Variants in PSMA1 observed in about 807,000 individuals in gnomAD.
The protein encoded by PSMA1 is proteasome 20S subunit alpha 1, also known as proteasome subunit alpha type-1.
A neutral mutation model predicts 38.4 loss-of-function variants in PSMA1; 3 were observed. The ratio of observed to expected loss-of-function variants is 0.08; its 90% CI spans 0.04 to 0.20. PSMA1 has a LOEUF of 0.20. Among genes scored for constraint, PSMA1 ranks in the 10% least tolerant of loss-of-function variants. PSMA1 has a pLI of 1.00. For synonymous variants in PSMA1, 101 were observed against 107.1 expected, an observed-to-expected ratio of 0.94 and a Z score of 0.35; for missense variants, 227 against 325.3, an observed-to-expected ratio of 0.70 and a Z score of 2.32.
chr11:14,511,130 G>C (rs1192218664), intron 7 of PSMA1, 179 bp from the exon 8 acceptor site: 10 of 398,940 alleles, frequency 2.5e-5, no homozygotes, highest in Non-Finnish European at 4.1e-5. Flanking sequence ...TGACATTGCT[G>C]ATTCTTATTT....
At chr11:14,508,216 A>G (rs974497600) in intron 8 of PSMA1, among the ~76,000 whole-genome samples, 1 of 152,196 alleles carries the variant, frequency 6.6e-6, no homozygotes, top group Non-Finnish European at 1.5e-5. Flanking sequence ...AGACACTTCT[A>G]ACATTCTCCA....
chr11:14,634,107 C>G (rs1853079411), intron 1 of PSMA1, among the ~76,000 whole-genome samples: 1 of 152,212 alleles, frequency 6.6e-6, no homozygotes, highest in South Asian at 2.1e-4. Context: ...TTCTGCGTCG[C>G]TCACACTGAG....
intron 2 of PSMA1, among the ~76,000 whole-genome samples, chr11:14,537,929 G>A (rs996830423): frequency 5.9e-5 from 9 of 151,908 alleles, no homozygotes; most frequent in African/African-American, 1.2e-4. Context: ...GGCTGGTCTC[G>A]AACTCCTGGC....
upstream of PSMA1, among the ~76,000 whole-genome samples, chr11:14,521,331 T>A (rs890818912): frequency 2.7e-4 from 36 of 132,196 alleles, no homozygotes; most frequent in Middle Eastern, 3.7e-3. Flanking sequence ...AGAATAAGAA[T>A]AATAAAAAAA....
chr11:14,560,761 T>C (rs1221882128), intron 2 of PSMA1, among the ~76,000 whole-genome samples: 3 of 152,196 alleles, frequency 2.0e-5, no homozygotes, highest in Non-Finnish European at 4.4e-5. Flanking sequence ...CTGGAAGATA[T>C]CACTCTATCT....
At chr11:14,606,894 A>C (rs1852650293) in intron 2 of PSMA1, among the ~76,000 whole-genome samples, 1 of 152,244 alleles carries the variant, frequency 6.6e-6, no homozygotes, top group Non-Finnish European at 1.5e-5. Flanking sequence ...GATGTGGCTT[A>C]GATGTGTGGG....
intron 1 of PSMA1, among the ~76,000 whole-genome samples, chr11:14,611,387 G>A (rs1390984884): frequency 1.3e-5 from 2 of 152,110 alleles, no homozygotes; most frequent in Non-Finnish European, 2.9e-5. Flanking sequence ...TTAAAATGAG[G>A]TTAGTGGTCA....
chr11:14,509,439 T>A (rs2134142308), intron 8 of PSMA1, among the ~76,000 whole-genome samples: 1 of 151,584 alleles, frequency 6.6e-6, no homozygotes, highest in Non-Finnish European at 1.5e-5. Flanking sequence ...ATTACCTGAA[T>A]AGCCTTAAAA....
chr11:14,618,608 A>G (rs1325441233), intron 1 of PSMA1, among the ~76,000 whole-genome samples: 1 of 152,244 alleles, frequency 6.6e-6, no homozygotes, highest in Non-Finnish European at 1.5e-5. Flanking sequence ...TAGTATTTTA[A>G]AGATGTCACC....
intron 1 of PSMA1, among the ~76,000 whole-genome samples, chr11:14,626,732 T>C (rs948608174): frequency 6.6e-5 from 10 of 152,224 alleles, no homozygotes; most frequent in Non-Finnish European, 1.5e-4. Flanking sequence ...TTGTAAATTA[T>C]AAAATGCCAT....
intron 2 of PSMA1, among the ~76,000 whole-genome samples, chr11:14,574,856 C>T (rs112743945): frequency 1.4e-3 from 211 of 152,200 alleles, no homozygotes; most frequent in African/African-American, 4.7e-3. Flanking sequence ...TGAGAATGGA[C>T]TTATACAGTA....
chr11:14,505,132 C>T lies in PSMA1; in HGVS notation c.*60G>A, dbSNP rs1280621422. On this transcript the variant is annotated 3_prime_UTR_variant, in exon 10 of 10. Transcript: ENST00000396394. ...GGTTCAAAGTATAGATTATTGTCAT[C>T]AGTATGTGGTGCCTGTATTCTTACA... 7.1e-7 allele frequency: 1 copy of T among 1,402,192 alleles called. No individual in the cohort carries two copies. Among genetic ancestry groups the T allele is most frequent in the Non-Finnish European group, 1.0e-6 (1 of 988,154 alleles). 86.9% of individuals were successfully genotyped at this position (1,402,192 alleles called of 1,614,324 possible).
intron 2 of PSMA1, among the ~76,000 whole-genome samples, chr11:14,608,805 T>C (rs1852674781): frequency 6.6e-6 from 1 of 150,694 alleles, no homozygotes; most frequent in African/African-American, 2.4e-5. Context: ...CTTCCCATTA[T>C]CAAATTCCAG....
intron 3 of PSMA1, 64 bp downstream of exon 3, chr11:14,517,816 T>C: frequency 6.5e-7 from 1 of 1,528,770 alleles, no homozygotes; most frequent in Non-Finnish European, 8.9e-7. Context: ...TTTACAACCT[T>C]ATTTTCTATG....
In PSMA1 at chr11:14,507,786, A is replaced by G; in HGVS notation, c.625-20T>C. On this transcript the variant is annotated intron_variant, in intron 8 of 9. Transcript: ENST00000396394. Reference sequence around the variant, plus strand: ...AACATTCTGAAGGGTAAAATATGGTAAAAGTAAAATAAGAGAATTTGGATG... The same window carrying G: ...AACATTCTGAAGGGTAAAATATGGTGAAAGTAAAATAAGAGAATTTGGATG... 6.9e-7 allele frequency: 1 copy of G among 1,456,280 alleles called. No homozygotes were observed. The highest frequency in any genetic ancestry group is 9.6e-7 in the Non-Finnish European group (1 of 1,046,170). The allele number at this position is 1,456,280 out of a possible 1,614,324, so 90.2% of individuals were successfully genotyped here. A position where few individuals can be genotyped will look rare whatever the true frequency, so the allele number is the denominator to read the frequency against.
intron 2 of PSMA1, among the ~76,000 whole-genome samples, chr11:14,531,175 A>G (rs1385623406): frequency 6.6e-6 from 1 of 151,882 alleles, no homozygotes; most frequent in Non-Finnish European, 1.5e-5. Context: ...CAGAGGGTAC[A>G]TGTGCATGTT....
At position 14,612,900 on chromosome 11, in the gene PSMA1, T is replaced by C. The variant is rs757674880; in HGVS notation, c.-165-1749A>G. On this transcript the variant is annotated intron_variant, in intron 1 of 10. Transcript: ENST00000418988. ...GGAGTTAGGAAGAAATCTTTCCATT[T>C]ATTTTGTGGGCCGGGCGGGCTGGGC... is the stretch of plus-strand genomic sequence containing the variant. Among the ~76,000 whole-genome samples the C allele has an allele frequency of 1.9e-3, 290 of 152,126 alleles. 8 individuals are homozygous for C. Among genetic ancestry groups the C allele is most frequent in the Admixed American group, 1.4e-3 (21 of 15,278 alleles).
At chr11:14,604,754 C>T (rs901883907) in intron 2 of PSMA1, among the ~76,000 whole-genome samples, 2 of 152,106 alleles carry the variant, frequency 1.3e-5, no homozygotes, top group African/African-American at 4.8e-5. Context: ...CTACTGCTGC[C>T]GTCTTTATGT....
chr11:14,518,321 A>C (rs1271266716), intron 2 of PSMA1, among the ~76,000 whole-genome samples: 3 of 151,862 alleles, frequency 2.0e-5, no homozygotes, highest in African/African-American at 2.4e-5. Flanking sequence ...GTGGTCTTGA[A>C]CTCCAAGACT....
Sources: allele counts gnomAD v4.1 joint callset (sites outside exome capture counted in the v4.1 genomes callset), GRCh38; gene constraint gnomAD v4.1.1; transcripts MANE v1.5; gene names NCBI Gene and HGNC (gene_info 2026-07-23, HGNC 2026-07-21).